Variants in NT5DC1 observed in about 807,000 individuals in gnomAD.
NT5DC1 encodes 5'-nucleotidase domain-containing protein 1.
NT5DC1 carries 42 observed loss-of-function variants against 59.4 expected under a neutral mutation model. The ratio of observed to expected loss-of-function variants is 0.71; its 90% CI spans 0.55 to 0.92. The LOEUF (loss-of-function observed/expected upper bound fraction) is 0.92, where lower values mean the gene tolerates loss of function less well. Among genes scored for constraint, NT5DC1 ranks in the 40% least tolerant of loss-of-function variants. The pLI is 0.00. For synonymous variants in NT5DC1, 172 were observed against 188.1 expected (o/e 0.91, Z 0.70); for missense variants, 501 against 537.1 (o/e 0.93, Z 0.66).
intron 6 of NT5DC1, among the ~76,000 whole-genome samples, chr6:116,199,992 T>C (rs923258723): frequency 3.5e-4 from 32 of 91,482 alleles, no homozygotes; most frequent in African/African-American, 2.4e-3. Flanking sequence ...GAGTACAGTA[T>C]GGAAAGTGGG....
chr6:116,205,829 G>C (rs960176045), intron 6 of NT5DC1, among the ~76,000 whole-genome samples: 6 of 151,902 alleles, frequency 3.9e-5, no homozygotes, highest in Non-Finnish European at 8.8e-5. Flanking sequence ...AAAAATCAAA[G>C]AGACCAAGAT....
intron 6 of NT5DC1, among the ~76,000 whole-genome samples, chr6:116,127,979 G>A (rs1325896176): frequency 6.6e-6 from 1 of 152,030 alleles, no homozygotes; most frequent in Admixed American, 6.6e-5. Flanking sequence ...TGGTTTCTAA[G>A]CTCCTCCCAG....
intron 6 of NT5DC1, among the ~76,000 whole-genome samples, chr6:116,198,668 C>T (rs1231286712): frequency 6.6e-6 from 1 of 151,890 alleles, no homozygotes; most frequent in Non-Finnish European, 1.5e-5. Context: ...TTCAAAGTTA[C>T]CTATGAGCTA....
intron 6 of NT5DC1, among the ~76,000 whole-genome samples, chr6:116,118,602 T>A (rs1779014536): frequency 1.3e-5 from 2 of 152,352 alleles, no homozygotes; most frequent in Non-Finnish European, 1.5e-5. Context: ...CTTGCCTTTT[T>A]AAAATGTAAT....
At chr6:116,215,930 T>G (rs541817966) in intron 6 of NT5DC1, among the ~76,000 whole-genome samples, 14 of 152,170 alleles carry the variant, frequency 9.2e-5, no homozygotes, top group Non-Finnish European at 5.9e-5. Context: ...TTTGGAGAGA[T>G]AAAGGAGTCT....
intron 6 of NT5DC1, chr6:116,125,536 C>T: frequency 6.3e-7 from 1 of 1,596,090 alleles, no homozygotes; most frequent in South Asian, 1.1e-5. Context: ...TAACTTTATA[C>T]AGCATTGTTA....
At position 116,116,753 on chromosome 6, in the gene NT5DC1, G is replaced by A. The variant is rs145629252; in HGVS notation, c.444+983G>A. On this transcript the variant is annotated intron_variant, in intron 5 of 11. Transcript: ENST00000319550. ...GAAAGTTTCCATTGAGCAATAGTTT[G>A]GGTATGTTTGTAGAAATCTTAATAA... is the stretch of plus-strand genomic sequence containing the variant. Among the ~76,000 whole-genome samples, 462 of 152,208 alleles carry A rather than the reference G, an allele frequency of 3.0e-3. 2 individuals are homozygous for A. Among genetic ancestry groups the A allele is most frequent in the African/African-American group, 1.0e-2 (414 of 41,520 alleles).
intron 6 of NT5DC1, among the ~76,000 whole-genome samples, chr6:116,173,883 T>C (rs1780673781): frequency 1.3e-5 from 2 of 152,198 alleles, no homozygotes; most frequent in African/African-American, 4.8e-5. Context: ...TCTACCAGTT[T>C]TTATACTAAT....
intron 6 of NT5DC1, among the ~76,000 whole-genome samples, chr6:116,132,349 A>G (rs1779489821): frequency 6.6e-6 from 1 of 152,172 alleles, no homozygotes; most frequent in Non-Finnish European, 1.5e-5. Context: ...GTATCTTTTC[A>G]TATAGCTTAG....
intron 6 of NT5DC1, among the ~76,000 whole-genome samples, chr6:116,185,325 A>G (rs1218552178): frequency 6.6e-6 from 1 of 152,098 alleles, no homozygotes; most frequent in East Asian, 1.9e-4. Flanking sequence ...GATGAAAAGA[A>G]TGTCTATTCT....
chr6:116,208,909 T>C (rs1781515649), intron 6 of NT5DC1, among the ~76,000 whole-genome samples: 1 of 151,956 alleles, frequency 6.6e-6, no homozygotes, highest in Admixed American at 6.6e-5. Context: ...CAGAGAGTAA[T>C]TGAAGGGCAG....
intron 6 of NT5DC1, among the ~76,000 whole-genome samples, chr6:116,184,642 A>G (rs558745078): frequency 4.3e-4 from 65 of 152,152 alleles, no homozygotes; most frequent in Non-Finnish European, 7.9e-4. Flanking sequence ...GAATTTATCC[A>G]TCTCCTCTAG....
chr6:116,137,204 C>T, intron 6 of NT5DC1: 1 of 169,460 alleles, frequency 5.9e-6, no homozygotes, highest in Non-Finnish European at 1.4e-5. Flanking sequence ...CCACCACTTC[C>T]TGGCCAGGAG....
chr6:116,130,878 G>GA (rs990528782), intron 6 of NT5DC1, among the ~76,000 whole-genome samples: 3 of 151,414 alleles, frequency 2.0e-5, no homozygotes, highest in African/African-American at 7.3e-5. Context: ...CCAGAATATT[G>GA]AAAAAAAATA....
At chr6:116,135,836 TA>T (rs1244090780) in intron 6 of NT5DC1, among the ~76,000 whole-genome samples, 1 of 37,628 alleles carries the variant, frequency 2.7e-5, no homozygotes, top group Non-Finnish European at 4.5e-5. Flanking sequence ...TATTTTCAGA[TA>T]TATATATATA....
At position 116,135,441 on chromosome 6, in the gene NT5DC1, A is replaced by G. The variant is rs370619489; in HGVS notation, c.529+17496A>G. Among the ~76,000 whole-genome samples, 372 of 151,812 alleles carry G rather than the reference A, an allele frequency of 2.5e-3. 10 individuals carry two copies. In the South Asian group the frequency reaches 0.041, roughly 17 times the overall value. Reference sequence around the variant, plus strand: ...CCCCACCTTTTTATTTAACAACTCCATGTGAGTTCTCTAGATAATATTGGT... The same window carrying G: ...CCCCACCTTTTTATTTAACAACTCCGTGTGAGTTCTCTAGATAATATTGGT... On this transcript the variant is annotated intron_variant, in intron 6 of 11. Coordinates refer to ENST00000319550, the MANE Select transcript of NT5DC1 (RefSeq NM_152729.3).
chr6:116,238,945 C>G lies in NT5DC1; in HGVS notation c.1084-10C>G, dbSNP rs1782175264. 1 of 1,538,188 alleles carries G rather than the reference C, an allele frequency of 6.5e-7. No homozygotes were observed. The highest frequency in any genetic ancestry group is 9.0e-7 in the Non-Finnish European group (1 of 1,114,586). ...ATCACCATTTTAATTATTCTGTTCTCTTGTTTCAGGGACCAAAAGCAAAAC... is the reference window on the plus strand; with the variant it reads ...ATCACCATTTTAATTATTCTGTTCTGTTGTTTCAGGGACCAAAAGCAAAAC... On this transcript the variant is annotated splice_polypyrimidine_tract_variant and intron_variant, in intron 10 of 11. Transcript: ENST00000319550.
rs376810950 is a variant in NT5DC1, at chr6:116,184,843, AT to A, written c.530-36209del. Among the ~76,000 whole-genome samples, 211 of 151,978 alleles carry A rather than the reference AT, an allele frequency of 1.4e-3. 3 individuals are homozygous for A. The highest frequency in any genetic ancestry group is 4.4e-3 in the African/African-American group (184 of 41,488). ...TTTCAAAAAACCAGCTTTTTGTTAT[AT>A]TATGTTTTGTAATTTTTTTTGTTTC... is the stretch of plus-strand genomic sequence containing the variant. On this transcript the variant is annotated intron_variant, in intron 6 of 11. Coordinates refer to ENST00000319550, the MANE Select transcript of NT5DC1 (RefSeq NM_152729.3).
intron 8 of NT5DC1, among the ~76,000 whole-genome samples, chr6:116,229,935 G>A (rs940287481): frequency 2.6e-5 from 4 of 152,144 alleles, no homozygotes; most frequent in Non-Finnish European, 5.9e-5. Flanking sequence ...TCAGTGTTCT[G>A]ATATCAAGCT....
Sources: gnomAD v4.1 joint callset for allele counts (sites outside exome capture counted in the v4.1 genomes callset) on GRCh38, gnomAD v4.1.1 for gene constraint, MANE v1.5 for transcripts, NCBI Gene and HGNC (gene_info 2026-07-23, HGNC 2026-07-21) for gene names.